B3GALT1: variants seen among roughly 807,000 people sequenced by gnomAD.
The protein encoded by B3GALT1 is beta-1,3-galactosyltransferase 1.
B3GALT1 carries 10 observed loss-of-function variants against 23.2 expected under a neutral mutation model. That is an observed-to-expected ratio of 0.43 (90% CI 0.27 to 0.73). The LOEUF (loss-of-function observed/expected upper bound fraction) is 0.73, where lower values mean the gene tolerates loss of function less well. Among genes scored for constraint, B3GALT1 ranks in the 30% least tolerant of loss-of-function variants. B3GALT1 has a pLI of 0.21. For synonymous variants in B3GALT1, 156 were observed against 141.5 expected (o/e 1.10, Z -0.73); for missense variants, 299 against 405.4 (o/e 0.74, Z 2.25).
chr2:167,343,466 C>T lies in B3GALT1; in HGVS notation c.-511+50132C>T, dbSNP rs144710476. 3.3e-3 allele frequency among the ~76,000 whole-genome samples: 499 copies of T among 152,242 alleles called. 2 individuals carry two copies. The highest frequency in any genetic ancestry group is 0.011 in the African/African-American group (453 of 41,548). On this transcript the variant is annotated intron_variant, in intron 1 of 4. Transcript: ENST00000392690. ...TACAGGTGGTTTAAACAAACATGGA[C>T]TCATTTTAAGCAACTACACTGACAT...
At chr2:167,405,616 G>A (rs188638469) in intron 1 of B3GALT1, among the ~76,000 whole-genome samples, 2 of 152,152 alleles carry the variant, frequency 1.3e-5, no homozygotes, top group East Asian at 1.9e-4. Context: ...TACATGTTCA[G>A]ACAAAGGGTT....
At chr2:167,483,700 A>C (rs1276730176) in intron 1 of B3GALT1, among the ~76,000 whole-genome samples, 4 of 152,202 alleles carry the variant, frequency 2.6e-5, no homozygotes, top group Non-Finnish European at 5.9e-5. Flanking sequence ...TTTAATTGCT[A>C]CCATTTATAT....
At chr2:167,405,710 A>G (rs181384562) in intron 1 of B3GALT1, among the ~76,000 whole-genome samples, 2 of 152,248 alleles carry the variant, frequency 1.3e-5, no homozygotes, top group Non-Finnish European at 2.9e-5. Flanking sequence ...GTGAAATGTA[A>G]AATTTTAAAT....
intron 1 of B3GALT1, among the ~76,000 whole-genome samples, chr2:167,429,374 C>A (rs1264695723): frequency 6.6e-6 from 1 of 151,290 alleles, no homozygotes; most frequent in African/African-American, 2.4e-5. Context: ...CCAAGGTTAA[C>A]ATTAGCATGC....
chr2:167,431,829 G>T (rs1698709791), intron 1 of B3GALT1, among the ~76,000 whole-genome samples: 1 of 152,106 alleles, frequency 6.6e-6, no homozygotes, highest in South Asian at 2.1e-4. Flanking sequence ...GGGGGAAGGG[G>T]ATTATCCCCC....
At chr2:167,830,431 G>T (rs1218212690) in intron 4 of B3GALT1, among the ~76,000 whole-genome samples, 2 of 151,554 alleles carry the variant, frequency 1.3e-5, no homozygotes, top group African/African-American at 4.9e-5. Flanking sequence ...ATGTTCCCCA[G>T]CCTTCAGTGA....
chr2:167,413,926 A>G (rs1698429861), intron 1 of B3GALT1, among the ~76,000 whole-genome samples: 1 of 152,094 alleles, frequency 6.6e-6, no homozygotes, highest in Non-Finnish European at 1.5e-5. Context: ...GGTAGTTACC[A>G]TATACTAAAG....
At position 167,869,035 on chromosome 2, in the gene B3GALT1, A is replaced by G. The variant is rs767250099; in HGVS notation, c.-5A>G. 5.0e-6 allele frequency: 8 copies of G among 1,595,548 alleles called. No homozygotes were observed. In the South Asian group the frequency reaches 9.0e-5, roughly 18 times the overall value. ...AATATTTGGAATAGACGTGTTCTCAAGACAATGGCTTCAAAGGTCTCCTGT... is the reference window on the plus strand; with the variant it reads ...AATATTTGGAATAGACGTGTTCTCAGGACAATGGCTTCAAAGGTCTCCTGT... On this transcript the variant is annotated 5_prime_UTR_variant, in exon 5 of 5. Coordinates refer to ENST00000392690, the MANE Select transcript of B3GALT1 (RefSeq NM_020981.4). This position sits in a 1 kb window ranked among gnomAD's most constrained non-coding sequence, Gnocchi z 6.4.
At chr2:167,315,605 T>C (rs1195033339) in intron 1 of B3GALT1, among the ~76,000 whole-genome samples, 1 of 152,144 alleles carries the variant, frequency 6.6e-6, no homozygotes, top group African/African-American at 2.4e-5. Flanking sequence ...AATGAGGTAT[T>C]TGTACCTTGA....
intron 1 of B3GALT1, among the ~76,000 whole-genome samples, chr2:167,302,754 T>A (rs2105480670): frequency 6.6e-6 from 1 of 152,304 alleles, no homozygotes; most frequent in African/African-American, 2.4e-5. Context: ...TATTCTAGTC[T>A]AGCCCAGTTA....
At chr2:167,460,500 A>G (rs1699241975) in intron 1 of B3GALT1, among the ~76,000 whole-genome samples, 2 of 151,988 alleles carry the variant, frequency 1.3e-5, no homozygotes, top group Non-Finnish European at 2.9e-5. Flanking sequence ...TTTTCTTCAT[A>G]CATGATTTTC....
intron 2 of B3GALT1, among the ~76,000 whole-genome samples, chr2:167,521,675 C>G (rs1700190123): frequency 6.6e-6 from 1 of 151,874 alleles, no homozygotes; most frequent in Non-Finnish European, 1.5e-5. Flanking sequence ...CTAAATCATT[C>G]AAATTTATTT....
At chr2:167,631,794 A>G (rs1345356466) in intron 2 of B3GALT1, among the ~76,000 whole-genome samples, 1 of 110,602 alleles carries the variant, frequency 9.0e-6, no homozygotes, top group Admixed American at 9.2e-5. Flanking sequence ...TTTTTACTTA[A>G]TCTCTTTTTT....
intron 2 of B3GALT1, among the ~76,000 whole-genome samples, chr2:167,629,269 A>C (rs937145595): frequency 4.5e-4 from 68 of 151,912 alleles, no homozygotes; most frequent in Admixed American, 1.4e-3. Context: ...TAAAAGTCCC[A>C]TTGGCAAGGC....
chr2:167,458,471 C>T (rs1699205576), intron 1 of B3GALT1, among the ~76,000 whole-genome samples: 1 of 152,286 alleles, frequency 6.6e-6, no homozygotes. Context: ...GGGGTACATA[C>T]CCAGAAGTGG....
At chr2:167,437,769 A>T (rs1698811112) in intron 1 of B3GALT1, among the ~76,000 whole-genome samples, 1 of 152,196 alleles carries the variant, frequency 6.6e-6, no homozygotes, top group South Asian at 2.1e-4. Context: ...CCAAATGCTC[A>T]GCCATTCCTT....
chr2:167,429,123 CA>C (rs996430906), intron 1 of B3GALT1, among the ~76,000 whole-genome samples: 3 of 150,918 alleles, frequency 2.0e-5, no homozygotes, highest in Admixed American at 6.6e-5. Flanking sequence ...ACTAAAAATA[CA>C]AAAAAAATTA....
At chr2:167,452,003 C>T (rs78341625) in intron 1 of B3GALT1, among the ~76,000 whole-genome samples, 2 of 152,120 alleles carry the variant, frequency 1.3e-5, no homozygotes, top group African/African-American at 4.8e-5. Context: ...CCATGGAGCC[C>T]AAGAGGCTGG....
chr2:167,400,031 A>G (rs1698161705), intron 1 of B3GALT1, among the ~76,000 whole-genome samples: 1 of 152,082 alleles, frequency 6.6e-6, no homozygotes. Flanking sequence ...ATATCACTTC[A>G]GTATTATGTA....
Sources: gnomAD v4.1 joint callset for allele counts (sites outside exome capture counted in the v4.1 genomes callset) on GRCh38, gnomAD v4.1.1 for gene constraint, Gnocchi (gnomAD v3.1) non-coding constraint, MANE v1.5 for transcripts, NCBI Gene and HGNC (gene_info 2026-07-23, HGNC 2026-07-21) for gene names.